Variants in ARHGAP10 observed in about 807,000 individuals in gnomAD.
The protein encoded by ARHGAP10 is Rho GTPase activating protein 10.
Under a neutral mutation model 108.6 loss-of-function variants are expected in ARHGAP10, and 87 were observed. The ratio of observed to expected loss-of-function variants is 0.80; its 90% CI spans 0.67 to 0.96. The LOEUF (loss-of-function observed/expected upper bound fraction) is 0.96. Among genes scored for constraint, ARHGAP10 ranks in the 40% least tolerant of loss-of-function variants. The pLI is 0.00. For synonymous variants in ARHGAP10, 347 were observed against 341.1 expected (o/e 1.02, Z -0.19); for missense variants, 939 against 954.5 (o/e 0.98, Z 0.21).
rs116179783 is a variant in ARHGAP10 at position 147,895,626 on chromosome 4, C to T, written c.1035-11012C>T. Among the ~76,000 whole-genome samples the T allele has an allele frequency of 6.7e-3, 1,004 of 150,626 alleles. 13 individuals carry two copies. Among genetic ancestry groups the T allele is most frequent in the African/African-American group, 0.023 (929 of 40,948 alleles). Reference sequence around the variant, plus strand: ...TTTGAGCCCAGGAGGTTCAAAGCTGCAGTGAGCCATAATCGTGTCACTGTA... The same window carrying T: ...TTTGAGCCCAGGAGGTTCAAAGCTGTAGTGAGCCATAATCGTGTCACTGTA... On this transcript the variant is annotated intron_variant, in intron 10 of 22. Coordinates refer to ENST00000336498, the MANE Select transcript of ARHGAP10 (RefSeq NM_024605.4).
intron 1 of ARHGAP10, among the ~76,000 whole-genome samples, chr4:147,744,958 A>G (rs1728846645): frequency 6.6e-6 from 1 of 152,098 alleles, no homozygotes; most frequent in Non-Finnish European, 1.5e-5. Context: ...GGAGAGGGTC[A>G]GGGCAAATCC....
intron 10 of ARHGAP10, among the ~76,000 whole-genome samples, chr4:147,896,641 T>A (rs767008233): frequency 6.6e-6 from 1 of 152,140 alleles, no homozygotes; most frequent in Non-Finnish European, 1.5e-5. Flanking sequence ...TTATTTCATT[T>A]GTTTCTGAAT....
intron 18 of ARHGAP10, among the ~76,000 whole-genome samples, chr4:147,985,692 T>G (rs937826312): frequency 1.2e-4 from 18 of 152,230 alleles, no homozygotes; most frequent in Non-Finnish European, 2.2e-4. Flanking sequence ...ACTGCCTTGT[T>G]TGAGCCTGGA....
intron 13 of ARHGAP10, among the ~76,000 whole-genome samples, chr4:147,936,478 G>A (rs976998467): frequency 3.3e-5 from 5 of 151,562 alleles, no homozygotes; most frequent in East Asian, 3.9e-4. Flanking sequence ...ACAGGCGCCC[G>A]CCACCGTGCC....
At chr4:147,964,963 C>T (rs956405454) in intron 16 of ARHGAP10, 61 bp from the exon 17 acceptor site, 22 of 1,156,684 alleles carry the variant, frequency 1.9e-5, no homozygotes, top group Non-Finnish European at 2.4e-5. Flanking sequence ...TCTGAGTTCT[C>T]TATTAACTAT....
intron 17 of ARHGAP10, 108 bp downstream of exon 17, chr4:147,965,237 G>T (rs979315518): frequency 2.8e-6 from 2 of 702,304 alleles, no homozygotes; most frequent in Non-Finnish European, 4.6e-6. Flanking sequence ...GGAAGGGCAG[G>T]CTGAACGTTT....
chr4:147,903,952 T>A (rs1305157431), intron 10 of ARHGAP10, among the ~76,000 whole-genome samples: 2 of 152,196 alleles, frequency 1.3e-5, no homozygotes, highest in African/African-American at 4.8e-5. Context: ...TGTGTAGACA[T>A]AGTTTTCAGT....
At chr4:147,793,060 C>A (rs1731179350) in intron 1 of ARHGAP10, among the ~76,000 whole-genome samples, 1 of 152,048 alleles carries the variant, frequency 6.6e-6, no homozygotes, top group African/African-American at 2.4e-5. Context: ...ATCACTTGAA[C>A]CTGGGAGGTG....
chr4:147,989,014 G>A (rs891898279), intron 18 of ARHGAP10, among the ~76,000 whole-genome samples: 5 of 152,276 alleles, frequency 3.3e-5, no homozygotes, highest in African/African-American at 7.2e-5. Flanking sequence ...CGATAATCAC[G>A]TAGGTTCTTC....
chr4:147,968,933 G>A (rs1169114258), intron 18 of ARHGAP10, among the ~76,000 whole-genome samples: 1 of 152,200 alleles, frequency 6.6e-6, no homozygotes, highest in Admixed American at 6.5e-5. Flanking sequence ...TCCTATAAAC[G>A]TACCCCAGTC....
chr4:148,067,118 G>C (rs989284440), intron 22 of ARHGAP10, among the ~76,000 whole-genome samples: 1 of 152,222 alleles, frequency 6.6e-6, no homozygotes, highest in Non-Finnish European at 1.5e-5. Context: ...CCAGGGATGT[G>C]AGCGTCTCAT....
At chr4:147,919,423 C>T (rs753260535) in intron 13 of ARHGAP10, among the ~76,000 whole-genome samples, 60 of 152,152 alleles carry the variant, frequency 3.9e-4, no homozygotes, top group Non-Finnish European at 2.5e-4. Flanking sequence ...GTCTTTCATC[C>T]GTTTACCAAA....
At chr4:147,883,650 G>A (rs1247620970) in intron 10 of ARHGAP10, among the ~76,000 whole-genome samples, 4 of 152,078 alleles carry the variant, frequency 2.6e-5, no homozygotes, top group Non-Finnish European at 4.4e-5. Context: ...TGAGATTTGA[G>A]CCCCTGCATT....
intron 1 of ARHGAP10, among the ~76,000 whole-genome samples, chr4:147,804,782 G>A (rs75902022): frequency 0.012 from 1,872 of 152,036 alleles, 33 homozygotes; most frequent in African/African-American, 0.042. Context: ...CATGTATGTC[G>A]TCTTTTGAAA....
chr4:148,051,738 G>T (rs1025858360), intron 20 of ARHGAP10, among the ~76,000 whole-genome samples: 1 of 152,212 alleles, frequency 6.6e-6, no homozygotes, highest in South Asian at 2.1e-4. Context: ...GCCTCAAGCT[G>T]TCGTTGTGCC....
chr4:147,773,112 T>G (rs1283269111), intron 1 of ARHGAP10, among the ~76,000 whole-genome samples: 1 of 152,208 alleles, frequency 6.6e-6, no homozygotes, highest in Non-Finnish European at 1.5e-5. Context: ...AAGGGACACT[T>G]TATATTAAGA....
chr4:147,946,574 A>C lies in ARHGAP10; in HGVS notation c.1304-43A>C, dbSNP rs1026329758. On this transcript the variant is annotated intron_variant, in intron 14 of 22. Coordinates refer to ENST00000336498, the MANE Select transcript of ARHGAP10 (RefSeq NM_024605.4). ...GAGCTAGACAAGAGGACCTTTGATG[A>C]TCAAGGTTTTAATTATTTTTTTCTT... 20 of 1,560,840 alleles carry C rather than the reference A, an allele frequency of 1.3e-5. No individual in the cohort carries two copies. In the East Asian group the frequency reaches 1.4e-4, roughly 11 times the overall value.
chr4:147,826,056 G>C (rs1732696154), intron 3 of ARHGAP10, among the ~76,000 whole-genome samples: 1 of 152,216 alleles, frequency 6.6e-6, no homozygotes, highest in Non-Finnish European at 1.5e-5. Context: ...ATCTGGAGTG[G>C]TGAGGTGCGG....
rs371356908 is a variant in ARHGAP10, at chr4:147,892,376, C to G, written c.1034+10444C>G. ...TGAGAATGTTTGTATAACACATTAA[C>G]TGTACTAATATTTGTAAGCATTTTA... On this transcript the variant is annotated intron_variant, in intron 10 of 22. Transcript: ENST00000336498. 2.6e-5 allele frequency among the ~76,000 whole-genome samples: 4 copies of G among 152,188 alleles called. No individual in the cohort carries two copies. In the East Asian group the frequency reaches 7.7e-4, roughly 29 times the overall value.
Sources: gnomAD v4.1 joint callset for allele counts (sites outside exome capture counted in the v4.1 genomes callset) on GRCh38, gnomAD v4.1.1 for gene constraint, MANE v1.5 for transcripts, NCBI Gene and HGNC (gene_info 2026-07-23, HGNC 2026-07-21) for gene names.